The following MLIP variants were observed in gnomAD, a reference collection of about 807,000 sequenced individuals.
MLIP encodes muscular LMNA interacting protein.
In MLIP, 79 loss-of-function variants were observed where a neutral mutation model predicts 84.8. That is an observed-to-expected ratio of 0.93 (90% CI 0.78 to 1.12). The LOEUF is 1.12. MLIP is among the 50% of genes most tolerant of loss of function. The pLI is 0.00. For synonymous variants in MLIP, 504 were observed against 463.0 expected, an observed-to-expected ratio of 1.09 and a Z score of -1.14; for missense variants, 1,257 against 1,160.6, an observed-to-expected ratio of 1.08 and a Z score of -1.21.
intron 1 of MLIP, among the ~76,000 whole-genome samples, chr6:54,059,667 G>A (rs370712329): frequency 1.3e-5 from 2 of 152,188 alleles, no homozygotes; most frequent in Non-Finnish European, 2.9e-5. Context: ...AATGTATGTT[G>A]TTCTTAATTC....
chr6:54,228,015 C>G (rs1780700669), intron 11 of MLIP, among the ~76,000 whole-genome samples: 1 of 151,792 alleles, frequency 6.6e-6, no homozygotes, highest in African/African-American at 2.4e-5. Context: ...AACTCTGTCT[C>G]TACTAAAAAT....
intron 12 of MLIP, among the ~76,000 whole-genome samples, chr6:54,244,760 C>A (rs554831203): frequency 1.4e-4 from 22 of 152,208 alleles, no homozygotes; most frequent in Non-Finnish European, 2.2e-4. Context: ...AAACTGAGAA[C>A]AATCAATTTC....
At chr6:54,192,462 G>A (rs1167395035) in intron 10 of MLIP, among the ~76,000 whole-genome samples, 1 of 151,868 alleles carries the variant, frequency 6.6e-6, no homozygotes, top group African/African-American at 2.4e-5. Flanking sequence ...ACTTCACTAA[G>A]GAATTAGAAT....
chr6:54,142,962 G>C (rs1053675979), intron 4 of MLIP, among the ~76,000 whole-genome samples: 1 of 151,444 alleles, frequency 6.6e-6, no homozygotes, highest in Admixed American at 6.6e-5. Flanking sequence ...TTCTTATTTT[G>C]TTTTTCTCTT....
At position 54,266,089 on chromosome 6, in the gene MLIP, A is replaced by G; in HGVS notation, c.*134A>G. The G allele has an allele frequency of 1.3e-6, 1 of 747,362 alleles. No individual in the cohort carries two copies. The allele number at this position is 747,362 out of a possible 1,614,324, so 46.3% of individuals were successfully genotyped here. A position where few individuals can be genotyped will look rare whatever the true frequency, so the allele number is the denominator to read the frequency against. On this transcript the variant is annotated 3_prime_UTR_variant, in exon 14 of 14. Coordinates refer to ENST00000502396, the MANE Select transcript of MLIP (RefSeq NM_001281747.2). ...TTATGAGCTGCAGTGCAGCAGAACC[A>G]AAAAAAAAGTTTGCTGCAATTATAT...
At chr6:54,147,422 A>G (rs1410512022) in intron 4 of MLIP, among the ~76,000 whole-genome samples, 1 of 152,180 alleles carries the variant, frequency 6.6e-6, no homozygotes, top group East Asian at 1.9e-4. Context: ...CTTGTTGTCT[A>G]GAGACCACAG....
At chr6:54,081,981 C>T (rs952927165) in intron 1 of MLIP, among the ~76,000 whole-genome samples, 1 of 151,700 alleles carries the variant, frequency 6.6e-6, no homozygotes, top group Non-Finnish European at 1.5e-5. Context: ...GTCTCATTCT[C>T]CCCAACTTTG....
In MLIP at chr6:54,235,742, G is replaced by A. The variant is rs75913209; in HGVS notation, c.2922+4825G>A. ...TTGTTTAGAATAATGTCACTCAGTT[G>A]AGGATATTTCTTTTATTGAAGGCTA... On this transcript the variant is annotated intron_variant, in intron 12 of 13. Transcript: ENST00000502396. Among the ~76,000 whole-genome samples, 229 of 152,226 alleles carry A rather than the reference G, an allele frequency of 1.5e-3. 1 individual carries two copies. The East Asian group carries it at 0.031, about 21-fold the overall frequency.
At chr6:54,261,698 C>T (rs1313551211) in intron 13 of MLIP, 2 of 984,994 alleles carry the variant, frequency 2.0e-6, no homozygotes, top group African/African-American at 3.5e-5. Context: ...CTGACTTTAT[C>T]CTCTGGATGA....
intron 12 of MLIP, among the ~76,000 whole-genome samples, chr6:54,241,115 G>A (rs1781708018): frequency 6.8e-6 from 1 of 146,786 alleles, no homozygotes; most frequent in Non-Finnish European, 1.5e-5. Flanking sequence ...AATAACAGAC[G>A]TTTCTTTTTT....
At chr6:54,241,098 C>A (rs1225745382) in intron 12 of MLIP, among the ~76,000 whole-genome samples, 1 of 151,714 alleles carries the variant, frequency 6.6e-6, no homozygotes. Context: ...CACTATGCTT[C>A]CCCTGTAATA....
chr6:54,180,263 T>A (rs1397798329), intron 9 of MLIP, among the ~76,000 whole-genome samples: 1 of 152,176 alleles, frequency 6.6e-6, no homozygotes, highest in Non-Finnish European at 1.5e-5. Flanking sequence ...TATCCTTTAC[T>A]TTTGGGAACT....
intron 1 of MLIP, among the ~76,000 whole-genome samples, chr6:54,077,762 A>G (rs1766891463): frequency 1.3e-5 from 2 of 152,192 alleles, no homozygotes; most frequent in African/African-American, 4.8e-5. Context: ...AAAGTTTGCA[A>G]GCAAGCAAAT....
intron 11 of MLIP, chr6:54,217,507 T>A (rs1451907998): frequency 3.0e-6 from 3 of 985,204 alleles, no homozygotes; most frequent in Non-Finnish European, 3.6e-6. Context: ...AATTAATATA[T>A]TCACTGCATA....
chr6:54,258,947 G>T (rs1379271191), intron 13 of MLIP, among the ~76,000 whole-genome samples: 1 of 151,730 alleles, frequency 6.6e-6, no homozygotes. Context: ...TTTAGATAAA[G>T]ATATTTATCC....
chr6:54,053,241 AT>A (rs1448927844), intron 1 of MLIP, among the ~76,000 whole-genome samples: 1 of 152,192 alleles, frequency 6.6e-6, no homozygotes, highest in East Asian at 1.9e-4. Context: ...TGGAATTCCC[AT>A]TTTGTAGTTC....
intron 12 of MLIP, among the ~76,000 whole-genome samples, chr6:54,232,016 C>CA: frequency 6.6e-6 from 1 of 151,826 alleles, no homozygotes; most frequent in African/African-American, 2.4e-5. Flanking sequence ...AGTTTTTTGC[C>CA]AAAAAATGTT....
chr6:54,061,010 C>T (rs61008480), intron 1 of MLIP, among the ~76,000 whole-genome samples: 2,959 of 145,702 alleles, frequency 0.02, 96 homozygotes, highest in African/African-American at 0.067. Context: ...TGCTAAATAA[C>T]TTTAAATCTG....
chr6:54,200,544 T>C (rs76181490), intron 10 of MLIP, among the ~76,000 whole-genome samples: 3,145 of 150,270 alleles, frequency 0.021, 52 homozygotes, highest in Non-Finnish European at 0.031. Context: ...CTTAGGATCA[T>C]GGCCCAGATA....
Sources: gnomAD v4.1 joint callset for allele counts (sites outside exome capture counted in the v4.1 genomes callset) on GRCh38, gnomAD v4.1.1 for gene constraint, MANE v1.5 for transcripts, NCBI Gene and HGNC (gene_info 2026-07-23, HGNC 2026-07-21) for gene names.